Variants in LRRC53 observed in about 807,000 individuals in gnomAD.
The protein encoded by LRRC53 is leucine-rich repeat-containing protein 53.
In LRRC53, 25 loss-of-function variants were observed where a neutral mutation model predicts 13.6. That is an observed-to-expected ratio of 1.83 (90% CI 1.34 to 2.56). LRRC53 has a LOEUF of 2.56. LRRC53 is among the 30% of genes most tolerant of loss of function. The probability of loss-of-function intolerance (pLI) is 0.00; values close to 1 mark genes in which losing one functional copy is unlikely to be tolerated. For missense variants in LRRC53, 527 were observed against 275.8 expected, an observed-to-expected ratio of 1.91 and a Z score of -6.45; for synonymous variants, 204 against 109.8, an observed-to-expected ratio of 1.86 and a Z score of -5.37.
At position 74,471,570 on chromosome 1, in the gene LRRC53, C is replaced by T; in HGVS notation, c.2052G>A (p.Glu684=). The T allele has an allele frequency of 2.5e-6, 1 of 400,578 alleles. No homozygotes were observed. Among genetic ancestry groups the T allele is most frequent in the East Asian group, 3.6e-5 (1 of 28,078 alleles). 24.8% of individuals were successfully genotyped at this position (400,578 alleles called of 1,614,324 possible). ...TAAACCATTTTTCTCCTTTGTTTCTCTCCCCAGTGTTGCTAAATTTTTTAA... is the reference window on the plus strand; with the variant it reads ...TAAACCATTTTTCTCCTTTGTTTCTTTCCCCAGTGTTGCTAAATTTTTTAA... ...LDVKKFSNTG[E]RNKGEKWFTN... is the part of the protein sequence containing the mutation. The change falls in exon 5 of 5, where the codon GAG becomes GAA. Residue 684 remains glutamate, a synonymous_variant. Coordinates refer to ENST00000294635, the MANE Select transcript of LRRC53 (RefSeq NM_001382280.1).
rs1667833494 is a variant in LRRC53, at chr1:74,469,761, G to A, written c.*117C>T. 3 of 396,748 alleles carry A rather than the reference G, an allele frequency of 7.6e-6. No individual in the cohort carries two copies. The highest frequency in any genetic ancestry group is 1.3e-5 in the Non-Finnish European group (3 of 224,990). 24.6% of individuals were successfully genotyped at this position (396,748 alleles called of 1,614,324 possible). Reference sequence around the variant, plus strand: ...TTATTGATAACAAAGAGTTACTGAGGACGTTGTTGTCCTCCAAAATGATCC... The same window carrying A: ...TTATTGATAACAAAGAGTTACTGAGAACGTTGTTGTCCTCCAAAATGATCC... On this transcript the variant is annotated 3_prime_UTR_variant, in exon 5 of 5. Coordinates refer to ENST00000294635, the MANE Select transcript of LRRC53 (RefSeq NM_001382280.1).
At chr1:74,489,807 G>A (rs185277749) in intron 1 of LRRC53, among the ~76,000 whole-genome samples, 1 of 151,984 alleles carries the variant, frequency 6.6e-6, no homozygotes, top group Non-Finnish European at 1.5e-5. Context: ...CTACACACCT[G>A]GTCAAGAGAT....
In LRRC53 at chr1:74,486,603, G is replaced by C. The variant is rs1002349052; in HGVS notation, c.-26-3228C>G. Among the ~76,000 whole-genome samples, 9 of 149,900 alleles carry C rather than the reference G, an allele frequency of 6.0e-5. No homozygotes were observed. In the East Asian group the frequency reaches 7.9e-4, roughly 13 times the overall value. ...ATAATTAATTGCATGTATGAGTTTA[G>C]AGTTCAGGAGAAAGTACTGGGCTAG... is the stretch of plus-strand genomic sequence containing the variant. On this transcript the variant is annotated intron_variant, in intron 1 of 4. Coordinates refer to ENST00000294635, the MANE Select transcript of LRRC53 (RefSeq NM_001382280.1).
chr1:74,524,317 G>A, the LRRC53 span, among the ~76,000 whole-genome samples: 2,444 of 152,304 alleles, frequency 0.016, 72 homozygotes, highest in African/African-American at 0.055. Context: ...AGCTCTGTGG[G>A]CCTGCCAGAA....
At position 74,480,653 on chromosome 1, in the gene LRRC53, CG is replaced by C. The variant is rs1557595100; in HGVS notation, c.403del (p.Arg135GlyfsTer59). 7 of 717,256 alleles carry C rather than the reference CG, an allele frequency of 9.8e-6. No individual in the cohort carries two copies. Among genetic ancestry groups the C allele is most frequent in the Non-Finnish European group, 1.6e-5 (6 of 385,098 alleles). 44.4% of individuals were successfully genotyped at this position (717,256 alleles called of 1,614,324 possible). A position where few individuals can be genotyped will look rare whatever the true frequency, so the allele number is the denominator to read the frequency against. On this transcript the variant is annotated frameshift_variant, in exon 3 of 5. Transcript: ENST00000294635. LOFTEE classifies it high-confidence loss of function. ...SWFRNTSGLT[R>X]LQLDGNQITN... is the part of the protein sequence containing the mutation. ...AATCTGATTCCCATCCAGCTGGAGC[CG>C]GGTCAGGCCGCTTGTGTTTCGGAAC...
rs1263363950 is a variant in LRRC53, at chr1:74,475,406, C to T, written c.1309G>A (p.Glu437Lys). The T allele has an allele frequency of 7.0e-6, 5 of 717,010 alleles. No homozygotes were observed. Among genetic ancestry groups the T allele is most frequent in the Non-Finnish European group, 1.3e-5 (5 of 384,862 alleles). The allele number at this position is 717,010 out of a possible 1,614,324, so 44.4% of individuals were successfully genotyped here. Reference protein sequence around the residue: ...EPPGNMRAFNEAGLLTTYNPR... With the variant: ...EPPGNMRAFNKAGLLTTYNPR... ...TTATATGTTGTAAGTAAGCCTGCTTCATTAAAAGCTCTCATATTTCCAGGA... is the reference window on the plus strand; with the variant it reads ...TTATATGTTGTAAGTAAGCCTGCTTTATTAAAAGCTCTCATATTTCCAGGA... The change falls in exon 4 of 5, where the codon GAA (glutamate) becomes AAA (lysine). Residue 437 changes from glutamate to lysine, a missense_variant. Physicochemically the swap from Glu to Lys is moderately conservative, Grantham distance 56. Transcript: ENST00000294635.
chr1:74,491,924 A>T (rs1669097016), intron 1 of LRRC53, among the ~76,000 whole-genome samples: 4 of 152,230 alleles, frequency 2.6e-5, no homozygotes, highest in Admixed American at 1.3e-4. Context: ...AAATTAAGCT[A>T]GGCAGATGTT....
the LRRC53 span, among the ~76,000 whole-genome samples, chr1:74,526,947 A>C: frequency 6.6e-6 from 1 of 152,370 alleles, no homozygotes; most frequent in African/African-American, 2.4e-5. Flanking sequence ...GCACTGAAAC[A>C]GCAGAGTTGA....
chr1:74,518,693 C>T, the LRRC53 span, among the ~76,000 whole-genome samples: 42 of 152,134 alleles, frequency 2.8e-4, 1 homozygote, highest in South Asian at 4.8e-3. Flanking sequence ...GTTTTTTAAG[C>T]TCAAAATTAT....
chr1:74,500,018 T>C (rs1669528001), intron 1 of LRRC53, among the ~76,000 whole-genome samples: 1 of 151,946 alleles, frequency 6.6e-6, no homozygotes, highest in Non-Finnish European at 1.5e-5. Flanking sequence ...GCTATATTTC[T>C]ATTCTTTGGT....
rs1365445061 is a variant in LRRC53 at position 74,471,051 on chromosome 1, G to A, written c.2571C>T (p.Phe857=). ...DAEHRHSHSQ[F]STEQMEDATQ... The stretch of plus-strand genomic sequence containing the variant: ...TTGCATCTTCCATTTGCTCAGTTGA[G>A]AATTGAGAATGTGAGTGCCTGTGCT... The change falls in exon 5 of 5, where the codon TTC becomes TTT. Residue 857 remains phenylalanine, a synonymous_variant. Transcript: ENST00000294635. 5.0e-6 allele frequency: 2 copies of A among 400,602 alleles called. No individual in the cohort carries two copies. The highest frequency in any genetic ancestry group is 4.1e-5 in the African/African-American group (2 of 48,684). 24.8% of individuals were successfully genotyped at this position (400,602 alleles called of 1,614,324 possible). A position where few individuals can be genotyped will look rare whatever the true frequency, so the allele number is the denominator to read the frequency against.
At chr1:74,529,955 C>T in the LRRC53 span, among the ~76,000 whole-genome samples, 2 of 152,170 alleles carry the variant, frequency 1.3e-5, no homozygotes, top group African/African-American at 4.8e-5. Context: ...TTTACCTGTA[C>T]ATGCCTATGG....
At chr1:74,473,606 C>T (rs190511389) in intron 4 of LRRC53, among the ~76,000 whole-genome samples, 2 of 151,538 alleles carry the variant, frequency 1.3e-5, no homozygotes, top group Admixed American at 6.6e-5. Context: ...GAGATGTACT[C>T]TCAGCTCCTA....
chr1:74,480,041 C>G (rs975497680), intron 3 of LRRC53, 112 bp downstream of exon 3: 1 of 613,256 alleles, frequency 1.6e-6, no homozygotes, highest in Admixed American at 2.9e-5. Context: ...CTGGCAACCT[C>G]TCCTTTCCAT....
chr1:74,529,864 C>T, the LRRC53 span, among the ~76,000 whole-genome samples: 12 of 152,242 alleles, frequency 7.9e-5, 1 homozygote, highest in East Asian at 2.1e-3. Context: ...TGACCCCACC[C>T]CTTGTGAACC....
At chr1:74,490,974 A>G (rs1043399496) in intron 1 of LRRC53, among the ~76,000 whole-genome samples, 17 of 152,374 alleles carry the variant, frequency 1.1e-4, no homozygotes, top group African/African-American at 3.6e-4. Context: ...ATTGGGAGTT[A>G]AAATATAAAG....
upstream of LRRC53, among the ~76,000 whole-genome samples, chr1:74,516,448 C>T (rs1646349395): frequency 6.6e-6 from 1 of 152,134 alleles, no homozygotes; most frequent in Non-Finnish European, 1.5e-5. Context: ...CATGAGGTGT[C>T]ACAGTAAAGA....
the LRRC53 span, among the ~76,000 whole-genome samples, chr1:74,520,125 A>C: frequency 1.7e-4 from 25 of 150,434 alleles, no homozygotes; most frequent in Non-Finnish European, 3.2e-4. Flanking sequence ...TGCTGAACCC[A>C]ATTTGTAGTC....
At chr1:74,477,756 C>T (rs1306152054) in intron 3 of LRRC53, among the ~76,000 whole-genome samples, 1 of 152,124 alleles carries the variant, frequency 6.6e-6, no homozygotes, top group Non-Finnish European at 1.5e-5. Context: ...GCAAAAGCAG[C>T]AAATGAAGCT....
Sources: allele counts gnomAD v4.1 joint callset (sites outside exome capture counted in the v4.1 genomes callset), GRCh38; gene constraint gnomAD v4.1.1; transcripts MANE v1.5; gene names NCBI Gene and HGNC (gene_info 2026-07-23, HGNC 2026-07-21).